The following EEF2K variants were observed in gnomAD, a reference collection of about 807,000 sequenced individuals.
EEF2K encodes the protein eukaryotic elongation factor 2 kinase.
EEF2K carries 70 observed loss-of-function variants against 93.8 expected under a neutral mutation model. The observed-to-expected ratio is 0.75, with a 90% CI of 0.62 to 0.91. The LOEUF is 0.91. EEF2K is among the 40% of genes least tolerant of loss of function. The probability of loss-of-function intolerance (pLI) is 0.00; values close to 1 mark genes in which losing one functional copy is unlikely to be tolerated. For missense variants in EEF2K, 935 were observed against 972.9 expected (o/e 0.96, Z 0.52); for synonymous variants, 376 against 380.8 (o/e 0.99, Z 0.15).
chr16:22,283,827 C>T, intron 17 of EEF2K, 60 bp from the exon 18 acceptor site: 2 of 1,510,460 alleles, frequency 1.3e-6, no homozygotes, highest in South Asian at 1.2e-5. Flanking sequence ...ATGGGGGACA[C>T]TGGGCTGGCA....
At chr16:22,251,803 A>AT (rs1014351987) in intron 6 of EEF2K, among the ~76,000 whole-genome samples, 5 of 151,052 alleles carry the variant, frequency 3.3e-5, no homozygotes, top group African/African-American at 4.9e-5. Context: ...TTTTATTTTT[A>AT]TTTTTTTTGA....
chr16:22,266,718 G>T lies in EEF2K; in HGVS notation c.1606G>T (p.Gly536Cys). Residue 536 changes from glycine (G) to cysteine (C), a missense_variant, in exon 15 of 18, where the codon GGT becomes TGT. Coordinates refer to ENST00000263026, the MANE Select transcript of EEF2K (RefSeq NM_013302.5). ...VHLAMVRYHE[G>C]GRFCEKGEEW... ...TCTGGCCATGGTGCGCTACCACGAG[G>T]GTGGGCGCTTCTGCGAGAAGGGCGA... 2.5e-6 allele frequency: 4 copies of T among 1,613,460 alleles called. No individual in the cohort carries two copies. The highest frequency in any genetic ancestry group is 2.5e-6 in the Non-Finnish European group (3 of 1,179,688).
chr16:22,246,353 C>T (rs2047291040), intron 3 of EEF2K, among the ~76,000 whole-genome samples: 1 of 151,442 alleles, frequency 6.6e-6, no homozygotes, highest in Non-Finnish European at 1.5e-5. Flanking sequence ...GAAACCCCAT[C>T]TCTTCTAAAA....
At chr16:22,247,320 C>T (rs1327352790) in intron 3 of EEF2K, among the ~76,000 whole-genome samples, 1 of 151,638 alleles carries the variant, frequency 6.6e-6, no homozygotes. Context: ...GTGGCAGGCA[C>T]ACCTGTAATC....
chr16:22,228,084 G>T, intron 2 of EEF2K, among the ~76,000 whole-genome samples: 1 of 128,350 alleles, frequency 7.8e-6, no homozygotes. Flanking sequence ...CACAATCTCA[G>T]CTCACTGCAA....
At chr16:22,207,198 T>C (rs1249455787) in intron 1 of EEF2K, among the ~76,000 whole-genome samples, 1 of 152,198 alleles carries the variant, frequency 6.6e-6, no homozygotes, top group Non-Finnish European at 1.5e-5. Context: ...TGGGCATTAA[T>C]AAGCCGGTGG....
intron 11 of EEF2K, among the ~76,000 whole-genome samples, chr16:22,261,068 T>C (rs1466728710): frequency 6.6e-6 from 1 of 152,188 alleles, no homozygotes; most frequent in Non-Finnish European, 1.5e-5. Flanking sequence ...GTGTGTGTGT[T>C]TGAAATATTT....
At chr16:22,214,600 G>A (rs1193814849) in intron 1 of EEF2K, among the ~76,000 whole-genome samples, 1 of 152,114 alleles carries the variant, frequency 6.6e-6, no homozygotes, top group Non-Finnish European at 1.5e-5. Context: ...AGGAGTTGGA[G>A]GCTGCAGTGA....
chr16:22,266,258 A>C (rs1598199998), intron 13 of EEF2K, 132 bp from the exon 14 acceptor site: 2 of 1,367,958 alleles, frequency 1.5e-6, no homozygotes, highest in Non-Finnish European at 2.0e-6. Context: ...TTTTGCCAAT[A>C]AACTTTGACA....
intron 3 of EEF2K, among the ~76,000 whole-genome samples, chr16:22,246,296 T>A (rs2047290414): frequency 6.6e-6 from 1 of 150,920 alleles, no homozygotes; most frequent in Non-Finnish European, 1.5e-5. Context: ...CCGAGGTGAG[T>A]GGATCACTTG....
intron 2 of EEF2K, among the ~76,000 whole-genome samples, chr16:22,238,522 C>G (rs1455304842): frequency 1.3e-5 from 2 of 151,716 alleles, no homozygotes; most frequent in Non-Finnish European, 2.9e-5. Flanking sequence ...GGTGAGCACC[C>G]ATAGTCCCAG....
chr16:22,225,963 CT>C lies in EEF2K; in HGVS notation c.236del (p.Phe79SerfsTer52). On this transcript the variant is annotated frameshift_variant, in exon 2 of 18. Transcript: ENST00000263026. LOFTEE classifies it high-confidence loss of function. The stretch of plus-strand genomic sequence containing the variant: ...GCTCCAGCGGGTCCCCGGCAAACTC[CT>C]TCCACTTCAAGGTGAGTGAGCCACC... ...YSSSGSPANS[F>X]HFKEAWKHAI... 6.2e-7 allele frequency: 1 copy of C among 1,614,076 alleles called. No homozygotes were observed. The highest frequency in any genetic ancestry group is 8.5e-7 in the Non-Finnish European group (1 of 1,179,946).
chr16:22,260,472 G>A lies in EEF2K; in HGVS notation c.1242G>A (p.Val414=), dbSNP rs1191699483. ...SQKLDHLHWP[V]FSDLDNMASR... The stretch of plus-strand genomic sequence containing the variant: ...TTTCTCCCTGCCCAGATTGGCCAGT[G>A]TTCAGTGACCTCGATAACATGGCAT... Residue 414 remains valine (V), a synonymous_variant, in exon 11 of 18, where the codon GTG becomes GTA. Coordinates refer to ENST00000263026, the MANE Select transcript of EEF2K (RefSeq NM_013302.5). 1 of 1,614,036 alleles carries A rather than the reference G, an allele frequency of 6.2e-7. No individual in the cohort carries two copies. The highest frequency in any genetic ancestry group is 8.5e-7 in the Non-Finnish European group (1 of 1,180,034).
At chr16:22,250,111 A>C (rs987060121) in intron 4 of EEF2K, among the ~76,000 whole-genome samples, 2 of 149,818 alleles carry the variant, frequency 1.3e-5, no homozygotes, top group African/African-American at 4.9e-5. Flanking sequence ...AGGTCTTGCT[A>C]TGTTGCCCAG....
intron 16 of EEF2K, 39 bp from the exon 17 acceptor site, chr16:22,280,159 A>G (rs1224783475): frequency 1.4e-6 from 2 of 1,431,228 alleles, no homozygotes; most frequent in Non-Finnish European, 1.8e-6. Flanking sequence ...CCCTGTTGCC[A>G]TGGTAACCTC....
At chr16:22,216,728 TAATA>T (rs778707247) in intron 1 of EEF2K, among the ~76,000 whole-genome samples, 79 of 151,964 alleles carry the variant, frequency 5.2e-4, no homozygotes, top group African/African-American at 1.8e-3. Flanking sequence ...ATGCCGTCTG[TAATA>T]AATAAATAAA....
chr16:22,241,560 G>C (rs1013662478), intron 2 of EEF2K, among the ~76,000 whole-genome samples: 5 of 141,748 alleles, frequency 3.5e-5, no homozygotes, highest in African/African-American at 1.3e-4. Context: ...CAGGAAAATT[G>C]CTTGAACCCA....
In EEF2K at chr16:22,208,957, C is replaced by T. The variant is rs139298645; in HGVS notation, c.-77+2278C>T. ...AAGCCTCGACCCTAAAAACCTCTCACTCTTTCCTTATTTGTTGGACAAGTC... is the reference window on the plus strand; with the variant it reads ...AAGCCTCGACCCTAAAAACCTCTCATTCTTTCCTTATTTGTTGGACAAGTC... On this transcript the variant is annotated intron_variant, in intron 1 of 17. Coordinates refer to ENST00000263026, the MANE Select transcript of EEF2K (RefSeq NM_013302.5). Among the ~76,000 whole-genome samples, 9 of 152,234 alleles carry T rather than the reference C, an allele frequency of 5.9e-5. No individual in the cohort carries two copies. The East Asian group carries it at 1.5e-3, about 26-fold the overall frequency.
chr16:22,236,650 A>G (rs1196089999), intron 2 of EEF2K, among the ~76,000 whole-genome samples: 1 of 151,998 alleles, frequency 6.6e-6, no homozygotes, highest in Non-Finnish European at 1.5e-5. Flanking sequence ...CAATAATAAC[A>G]GTAATATAAA....
Sources: allele counts gnomAD v4.1 joint callset (sites outside exome capture counted in the v4.1 genomes callset), GRCh38; gene constraint gnomAD v4.1.1; transcripts MANE v1.5; gene names NCBI Gene and HGNC (gene_info 2026-07-23, HGNC 2026-07-21).